Variants in C8orf34 observed in about 807,000 individuals in gnomAD.
The protein encoded by C8orf34 is uncharacterized protein C8orf34.
In C8orf34, 65 loss-of-function variants were observed where a neutral mutation model predicts 68.3. That is an observed-to-expected ratio of 0.95 (90% CI 0.78 to 1.17). C8orf34 has a LOEUF of 1.17. Among genes scored for constraint, C8orf34 ranks in the 50% most tolerant of loss-of-function variants. The pLI is 0.00. For synonymous variants in C8orf34, 244 were observed against 241.2 expected, an observed-to-expected ratio of 1.01 and a Z score of -0.11; for missense variants, 664 against 655.4, an observed-to-expected ratio of 1.01 and a Z score of -0.14.
intron 7 of C8orf34, among the ~76,000 whole-genome samples, chr8:68,623,559 A>G (rs763162390): frequency 2.0e-5 from 3 of 152,208 alleles, no homozygotes; most frequent in Non-Finnish European, 4.4e-5. Context: ...ATTTGAAAGC[A>G]TTTAGTCCAT....
At chr8:68,566,161 T>G (rs984241927) in intron 7 of C8orf34, among the ~76,000 whole-genome samples, 1 of 152,216 alleles carries the variant, frequency 6.6e-6, no homozygotes, top group Non-Finnish European at 1.5e-5. Context: ...AAACACTTTT[T>G]AAAAACTTCT....
At chr8:68,512,962 C>G (rs1471853691) in intron 5 of C8orf34, among the ~76,000 whole-genome samples, 1 of 152,148 alleles carries the variant, frequency 6.6e-6, no homozygotes, top group Admixed American at 6.5e-5. Flanking sequence ...AGGTTTGACT[C>G]CAGCATAATT....
intron 10 of C8orf34, among the ~76,000 whole-genome samples, chr8:68,731,149 G>A (rs561929154): frequency 2.0e-5 from 3 of 152,114 alleles, no homozygotes; most frequent in Non-Finnish European, 2.9e-5. Context: ...TTACCCACAA[G>A]GGCATTTCCT....
chr8:68,817,726 A>G (rs1447105719), intron 13 of C8orf34, among the ~76,000 whole-genome samples: 1 of 152,282 alleles, frequency 6.6e-6, no homozygotes, highest in Non-Finnish European at 1.5e-5. Context: ...TTTACAAAGA[A>G]AAGAGGTTTA....
intron 8 of C8orf34, among the ~76,000 whole-genome samples, chr8:68,706,119 A>G (rs948037270): frequency 6.6e-6 from 1 of 152,228 alleles, no homozygotes; most frequent in South Asian, 2.1e-4. Context: ...GTTCAAGTTT[A>G]AAGTTAGAGA....
At chr8:68,667,106 T>C (rs1585699113) in intron 8 of C8orf34, among the ~76,000 whole-genome samples, 1 of 152,254 alleles carries the variant, frequency 6.6e-6, no homozygotes, top group East Asian at 1.9e-4. Context: ...ATTAATTTTT[T>C]TTGCAAATAA....
rs35661495 is a variant in C8orf34, at chr8:68,466,738, C to CATATATATATATATATATATATATATAT, written c.608-1927_608-1926insTATATATATATATATATATATATATATA. On this transcript the variant is annotated intron_variant, in intron 3 of 13. Coordinates refer to ENST00000518698, the MANE Select transcript of C8orf34 (RefSeq NM_052958.4). ...TTCTGTGAAAATAAACAACGTTGTA[C>CATATATATATATATATATATATATATAT]ATATATATATATATATATATATATA... Among the ~76,000 whole-genome samples the CATATATATATATATATATATATATATAT allele has an allele frequency of 7.1e-4, 86 of 120,546 alleles. 3 individuals are homozygous for CATATATATATATATATATATATATATAT. Among genetic ancestry groups the CATATATATATATATATATATATATATAT allele is most frequent in the African/African-American group, 1.8e-3 (48 of 27,172 alleles). The allele number at this position is 120,546 out of a possible 152,430, so 79.1% of individuals were successfully genotyped here.
chr8:68,807,754 T>G (rs1824529087), intron 12 of C8orf34, among the ~76,000 whole-genome samples: 1 of 152,220 alleles, frequency 6.6e-6, no homozygotes, highest in South Asian at 2.1e-4. Flanking sequence ...TATCTTCTTC[T>G]AGAGAGTATT....
At chr8:68,414,045 T>G (rs912503801) in intron 1 of C8orf34, among the ~76,000 whole-genome samples, 2 of 152,186 alleles carry the variant, frequency 1.3e-5, no homozygotes, top group African/African-American at 4.8e-5. Flanking sequence ...GCATGGACTA[T>G]TCTCTCTGTC....
intron 3 of C8orf34, among the ~76,000 whole-genome samples, chr8:68,460,421 C>A (rs1811755525): frequency 6.6e-6 from 1 of 152,242 alleles, no homozygotes; most frequent in African/African-American, 2.4e-5. Context: ...CCCTGTCTGA[C>A]AGCTTTGAAG....
intron 10 of C8orf34, among the ~76,000 whole-genome samples, chr8:68,758,316 A>G (rs73275976): frequency 0.022 from 3,276 of 152,262 alleles, 114 homozygotes; most frequent in African/African-American, 0.073. Flanking sequence ...GGAATTGTTT[A>G]TTTTGTTTCT....
chr8:68,644,012 G>A (rs1024618596), intron 8 of C8orf34, among the ~76,000 whole-genome samples: 7 of 152,138 alleles, frequency 4.6e-5, no homozygotes, highest in Admixed American at 1.3e-4. Context: ...GTCTAGAGGC[G>A]TTTGTAACCT....
intron 12 of C8orf34, among the ~76,000 whole-genome samples, chr8:68,810,672 G>C (rs1345640748): frequency 2.0e-5 from 3 of 152,162 alleles, no homozygotes; most frequent in African/African-American, 4.8e-5. Flanking sequence ...AGGTCAAGAA[G>C]TGCTTTATGG....
intron 5 of C8orf34, 28 bp from the exon 6 acceptor site, chr8:68,521,771 A>C (rs1814764218): frequency 6.3e-7 from 1 of 1,595,652 alleles, no homozygotes; most frequent in East Asian, 2.2e-5. Context: ...AAGCCATCTA[A>C]GACAGCATAT....
At chr8:68,502,458 A>G (rs911127740) in intron 5 of C8orf34, among the ~76,000 whole-genome samples, 1 of 152,204 alleles carries the variant, frequency 6.6e-6, no homozygotes, top group Non-Finnish European at 1.5e-5. Context: ...AGAGTTGAGG[A>G]TTTAAAGATG....
intron 5 of C8orf34, among the ~76,000 whole-genome samples, chr8:68,512,487 A>G (rs969942071): frequency 6.6e-6 from 1 of 152,316 alleles, no homozygotes; most frequent in East Asian, 1.9e-4. Flanking sequence ...GCTGTCAAAT[A>G]TGTTCGAGAT....
chr8:68,457,702 G>C (rs1004400662), intron 3 of C8orf34, among the ~76,000 whole-genome samples: 1 of 152,094 alleles, frequency 6.6e-6, no homozygotes, highest in African/African-American at 2.4e-5. Context: ...CTGAGGAAAA[G>C]CTATTTGCAA....
At chr8:68,537,665 A>G (rs750864213) in intron 7 of C8orf34, among the ~76,000 whole-genome samples, 39 of 152,026 alleles carry the variant, frequency 2.6e-4, no homozygotes, top group Non-Finnish European at 4.6e-4. Flanking sequence ...TCATATTATC[A>G]TGTTAAAAAG....
chr8:68,396,880 T>C (rs1267271855), intron 1 of C8orf34, among the ~76,000 whole-genome samples: 1 of 152,038 alleles, frequency 6.6e-6, no homozygotes, highest in Non-Finnish European at 1.5e-5. Flanking sequence ...ATGTATCTTA[T>C]ACAGCCTGCA....
Sources: gnomAD v4.1 joint callset for allele counts (sites outside exome capture counted in the v4.1 genomes callset) on GRCh38, gnomAD v4.1.1 for gene constraint, MANE v1.5 for transcripts, NCBI Gene and HGNC (gene_info 2026-07-23, HGNC 2026-07-21) for gene names.